EPSTI1: variants seen among roughly 807,000 people sequenced by gnomAD.
The protein encoded by EPSTI1 is epithelial-stromal interaction protein 1.
In EPSTI1, 66 loss-of-function variants were observed where a neutral mutation model predicts 49.9. The ratio of observed to expected loss-of-function variants is 1.32; its 90% CI spans 1.08 to 1.62. EPSTI1 has a LOEUF of 1.62. Ranked by LOEUF, EPSTI1 falls within the 40% of genes most tolerant of loss-of-function variation. EPSTI1 has a pLI of 0.00. For missense variants in EPSTI1, 394 were observed against 365.5 expected (o/e 1.08, Z -0.64); for synonymous variants, 137 against 130.7 (o/e 1.05, Z -0.33).
Position 42,989,567 on chromosome 13 carries a change from C to CTTTTTTTTTTTT in EPSTI1, c.188+2399_188+2410dup. On this transcript the variant is annotated intron_variant, in intron 1 of 10. Coordinates refer to ENST00000313624, the MANE Select transcript of EPSTI1 (RefSeq NM_033255.5). ...ATTAAAGCACTTTATCCTCTTTTTT[C>CTTTTTTTTTTTT]TTTTTTTTTTTTTTTTGCTTTTTGT... 7.8e-4 allele frequency among the ~76,000 whole-genome samples: 62 copies of CTTTTTTTTTTTT among 78,998 alleles called. 5 individuals are homozygous for CTTTTTTTTTTTT. Among genetic ancestry groups the CTTTTTTTTTTTT allele is most frequent in the Middle Eastern group, 7.1e-3 (1 of 140 alleles). 51.8% of individuals were successfully genotyped at this position (78,998 alleles called of 152,430 possible).
chr13:42,890,897 T>G (rs754245481), intron 10 of EPSTI1, among the ~76,000 whole-genome samples: 25 of 152,188 alleles, frequency 1.6e-4, no homozygotes, highest in Admixed American at 3.9e-4. Context: ...GATCCCTTTA[T>G]GAGGCAAAGA....
intron 8 of EPSTI1, among the ~76,000 whole-genome samples, chr13:42,914,124 T>C (rs2153416931): frequency 6.6e-6 from 1 of 152,322 alleles, no homozygotes; most frequent in Admixed American, 6.5e-5. Flanking sequence ...AGATAGTTAT[T>C]TATAGTAATG....
chr13:42,963,131 G>T, intron 5 of EPSTI1, 124 bp downstream of exon 5: 2 of 768,698 alleles, frequency 2.6e-6, no homozygotes, highest in South Asian at 1.6e-5. Flanking sequence ...AAAGAAGAGT[G>T]GGGAATAGAA....
chr13:42,962,978 C>T lies in EPSTI1; in HGVS notation c.489+277G>A, dbSNP rs555205389. 2.6e-5 allele frequency among the ~76,000 whole-genome samples: 4 copies of T among 152,298 alleles called. No individual in the cohort carries two copies. The South Asian group carries it at 8.3e-4, about 32-fold the overall frequency. Reference sequence around the variant, plus strand: ...GTCTGCAAGCCTCTTCACCCTGTTCCTGGTGATGACTTAACAATTGTCTTT... The same window carrying T: ...GTCTGCAAGCCTCTTCACCCTGTTCTTGGTGATGACTTAACAATTGTCTTT... On this transcript the variant is annotated intron_variant, in intron 5 of 10. Coordinates refer to ENST00000313624, the MANE Select transcript of EPSTI1 (RefSeq NM_033255.5).
chr13:42,945,822 G>A (rs1432960713), intron 6 of EPSTI1, among the ~76,000 whole-genome samples: 2 of 152,136 alleles, frequency 1.3e-5, no homozygotes, highest in Admixed American at 1.3e-4. Flanking sequence ...TAGAGATTGT[G>A]ATATGGTTCT....
chr13:42,893,177 CAG>C (rs1418954577), intron 10 of EPSTI1, among the ~76,000 whole-genome samples: 1 of 152,072 alleles, frequency 6.6e-6, no homozygotes, highest in African/African-American at 2.4e-5. Flanking sequence ...TGAAGGAGGA[CAG>C]AGAAACAGGG....
intron 9 of EPSTI1, among the ~76,000 whole-genome samples, chr13:42,896,145 T>C (rs894779219): frequency 2.3e-4 from 35 of 152,302 alleles, no homozygotes; most frequent in Non-Finnish European, 2.9e-5. Flanking sequence ...TGGGCTCAGT[T>C]GCTGTCTCTC....
chr13:42,904,061 A>T (rs1286583135), intron 8 of EPSTI1, among the ~76,000 whole-genome samples: 2 of 152,232 alleles, frequency 1.3e-5, no homozygotes. Flanking sequence ...GTAGTGAACA[A>T]GATAGATGAG....
At chr13:42,974,714 T>C (rs952852884) in intron 1 of EPSTI1, among the ~76,000 whole-genome samples, 7 of 152,196 alleles carry the variant, frequency 4.6e-5, no homozygotes, top group Non-Finnish European at 1.5e-5. Flanking sequence ...CAACTGCATC[T>C]TGTGTGTACA....
chr13:42,987,419 T>G (rs549094165), intron 1 of EPSTI1, among the ~76,000 whole-genome samples: 20 of 152,152 alleles, frequency 1.3e-4, no homozygotes, highest in African/African-American at 4.3e-4. Flanking sequence ...TAAGGAAAGA[T>G]CTTCCTGCTC....
At chr13:42,908,928 C>A (rs1013550627) in intron 8 of EPSTI1, among the ~76,000 whole-genome samples, 41 of 133,354 alleles carry the variant, frequency 3.1e-4, no homozygotes, top group East Asian at 6.5e-4. Context: ...ACTAAAAATA[C>A]AAAAAAAAAA....
chr13:42,914,793 T>C (rs921122074), intron 8 of EPSTI1, among the ~76,000 whole-genome samples: 34 of 152,228 alleles, frequency 2.2e-4, no homozygotes, highest in Admixed American at 4.6e-4. Flanking sequence ...CTTCATGACC[T>C]ACTGTCACCA....
At chr13:42,907,478 G>T (rs958888959) in intron 8 of EPSTI1, among the ~76,000 whole-genome samples, 3 of 152,010 alleles carry the variant, frequency 2.0e-5, no homozygotes, top group African/African-American at 7.2e-5. Context: ...TATTTCCTCA[G>T]AATAAATGTA....
chr13:42,988,871 T>C (rs968711589), intron 1 of EPSTI1, among the ~76,000 whole-genome samples: 1 of 103,720 alleles, frequency 9.6e-6, no homozygotes, highest in African/African-American at 3.1e-5. Flanking sequence ...TATTTATTTA[T>C]TTATTTGAGA....
intron 6 of EPSTI1, among the ~76,000 whole-genome samples, chr13:42,941,831 G>T (rs576903140): frequency 7.1e-4 from 108 of 151,670 alleles, no homozygotes; most frequent in Non-Finnish European, 1.4e-3. Flanking sequence ...TATTTATAAA[G>T]AATATGTGTT....
Position 42,888,188 on chromosome 13 carries a change from G to A in EPSTI1, c.*306C>T. ...TAGCACCCATAGCTCTGATTAACCT[G>A]AAAGCATCAAGTGACTCCCTCTTTT... is the stretch of plus-strand genomic sequence containing the variant. On this transcript the variant is annotated 3_prime_UTR_variant, in exon 11 of 11. Transcript: ENST00000313624. 1 of 1,576,952 alleles carries A rather than the reference G, an allele frequency of 6.3e-7. No individual in the cohort carries two copies. The highest frequency in any genetic ancestry group is 8.6e-7 in the Non-Finnish European group (1 of 1,156,114).
At chr13:42,961,461 G>GT (rs1465756168) in intron 5 of EPSTI1, among the ~76,000 whole-genome samples, 1 of 152,188 alleles carries the variant, frequency 6.6e-6, no homozygotes, top group East Asian at 1.9e-4. Flanking sequence ...GGGAATGCAA[G>GT]TTACATTCCT....
At chr13:42,970,037 T>C (rs926074454) in intron 2 of EPSTI1, 3 of 152,378 alleles carry the variant, frequency 2.0e-5, no homozygotes, top group African/African-American at 7.2e-5. Flanking sequence ...GTGGAGACTC[T>C]TTAGAGAGCT....
intron 3 of EPSTI1, 95 bp from the exon 4 acceptor site, chr13:42,964,234 G>A: frequency 2.2e-6 from 2 of 904,030 alleles, no homozygotes; most frequent in Non-Finnish European, 3.3e-6. Context: ...TCTATAACAT[G>A]AGTTCCCTTA....
Sources: gnomAD v4.1 joint callset for allele counts (sites outside exome capture counted in the v4.1 genomes callset) on GRCh38, gnomAD v4.1.1 for gene constraint, MANE v1.5 for transcripts, NCBI Gene and HGNC (gene_info 2026-07-23, HGNC 2026-07-21) for gene names.